The following LUZP2 variants were observed in gnomAD, a reference collection of about 807,000 sequenced individuals.
LUZP2 encodes the protein leucine zipper protein 2.
In LUZP2, 52 loss-of-function variants were observed where a neutral mutation model predicts 51.6. The ratio of observed to expected loss-of-function variants is 1.01; its 90% CI spans 0.81 to 1.27. The LOEUF (loss-of-function observed/expected upper bound fraction) is 1.27, where lower values mean the gene tolerates loss of function less well. Ranked by LOEUF, LUZP2 falls within the 50% of genes most tolerant of loss-of-function variation. LUZP2 has a pLI of 0.00. For missense variants in LUZP2, 436 were observed against 395.4 expected (o/e 1.10, Z -0.87); for synonymous variants, 154 against 137.3 (o/e 1.12, Z -0.85).
At chr11:24,972,810 C>T in intron 7 of LUZP2, among the ~76,000 whole-genome samples, 1 of 146,022 alleles carries the variant, frequency 6.8e-6, no homozygotes, top group East Asian at 2.0e-4. Context: ...TTTTGATGTG[C>T]TGCTGGATTC....
At chr11:24,837,511 A>G (rs1056034811) in intron 5 of LUZP2, among the ~76,000 whole-genome samples, 6 of 151,764 alleles carry the variant, frequency 4.0e-5, no homozygotes, top group Admixed American at 6.6e-5. Context: ...TATAGATGAA[A>G]TGTATCAGAA....
chr11:24,791,312 T>G (rs1053964318), intron 5 of LUZP2, among the ~76,000 whole-genome samples: 5 of 152,208 alleles, frequency 3.3e-5, no homozygotes, highest in African/African-American at 9.6e-5. Context: ...GTCAGATAAA[T>G]CTGAGCTATG....
At chr11:24,497,812 G>A (rs1196828470) in intron 1 of LUZP2, among the ~76,000 whole-genome samples, 1 of 152,188 alleles carries the variant, frequency 6.6e-6, no homozygotes, top group African/African-American at 2.4e-5. Context: ...CTCCTGAAAT[G>A]GCATGTTTCA....
At chr11:24,521,745 A>C (rs1850650078) in intron 1 of LUZP2, among the ~76,000 whole-genome samples, 1 of 152,148 alleles carries the variant, frequency 6.6e-6, no homozygotes, top group Non-Finnish European at 1.5e-5. Flanking sequence ...TTCAAAACAG[A>C]TGGTGCCTTT....
Position 24,961,709 on chromosome 11 carries a change from T to A in LUZP2, c.523-14882T>A, listed in dbSNP as rs150925812. 8.3e-3 allele frequency among the ~76,000 whole-genome samples: 1,262 copies of A among 151,994 alleles called. 8 individuals are homozygous for A. The highest frequency in any genetic ancestry group is 0.013 in the Admixed American group (202 of 15,256). ...GTCTTGACTCTTTATCCAATTTGCC[T>A]GTCTGTGTCTTTTAATTGAAGCATT... On this transcript the variant is annotated intron_variant, in intron 7 of 11. Coordinates refer to ENST00000336930, the MANE Select transcript of LUZP2 (RefSeq NM_001009909.4).
At chr11:25,020,296 A>C (rs909494402) in intron 9 of LUZP2, among the ~76,000 whole-genome samples, 1 of 152,108 alleles carries the variant, frequency 6.6e-6, no homozygotes, top group Non-Finnish European at 1.5e-5. Context: ...TTTTTTAATA[A>C]GAAATGTCTA....
intron 10 of LUZP2, among the ~76,000 whole-genome samples, chr11:25,060,405 T>C (rs1858802098): frequency 6.6e-6 from 1 of 152,072 alleles, no homozygotes; most frequent in Non-Finnish European, 1.5e-5. Flanking sequence ...GGCTCTACCC[T>C]CATGACATAA....
At chr11:24,617,023 C>T (rs192306039) in intron 1 of LUZP2, among the ~76,000 whole-genome samples, 14 of 152,212 alleles carry the variant, frequency 9.2e-5, no homozygotes, top group Middle Eastern at 3.4e-3. Context: ...TGTTGGTTGA[C>T]GGCATGAACT....
chr11:24,896,694 G>A (rs917641821), intron 5 of LUZP2, among the ~76,000 whole-genome samples: 4 of 152,222 alleles, frequency 2.6e-5, no homozygotes, highest in African/African-American at 7.2e-5. Flanking sequence ...TGCACCCTAC[G>A]GGACTGGTGG....
chr11:24,903,577 A>G (rs999060236), intron 5 of LUZP2, among the ~76,000 whole-genome samples: 6 of 152,092 alleles, frequency 3.9e-5, no homozygotes, highest in East Asian at 1.9e-4. Context: ...TGCTTATCCA[A>G]TTGGCCCTCC....
At chr11:24,761,339 T>C (rs1162802674) in intron 4 of LUZP2, among the ~76,000 whole-genome samples, 2 of 152,040 alleles carry the variant, frequency 1.3e-5, no homozygotes, top group African/African-American at 4.8e-5. Flanking sequence ...AATAACTCTA[T>C]TATAAAAACA....
chr11:24,520,929 T>C (rs574106758), intron 1 of LUZP2, among the ~76,000 whole-genome samples: 2 of 152,308 alleles, frequency 1.3e-5, no homozygotes, highest in Admixed American at 6.5e-5. Flanking sequence ...ATATGATGCC[T>C]CAGTCCGCAC....
chr11:25,033,468 T>C (rs1857759144), intron 9 of LUZP2, among the ~76,000 whole-genome samples: 1 of 152,142 alleles, frequency 6.6e-6, no homozygotes, highest in Non-Finnish European at 1.5e-5. Context: ...ATGTGTACGT[T>C]TGTTACATGG....
chr11:24,877,792 A>G (rs1010960150), intron 5 of LUZP2, among the ~76,000 whole-genome samples: 1 of 152,078 alleles, frequency 6.6e-6, no homozygotes, highest in African/African-American at 2.4e-5. Context: ...GCATCCTTCT[A>G]CTGTCAATCT....
intron 1 of LUZP2, among the ~76,000 whole-genome samples, chr11:24,727,214 G>T (rs2133962591): frequency 6.6e-6 from 1 of 152,104 alleles, no homozygotes; most frequent in South Asian, 2.1e-4. Flanking sequence ...AGAGAAGAAA[G>T]AAGCAATATA....
At chr11:24,999,733 G>A (rs935169286) in intron 9 of LUZP2, among the ~76,000 whole-genome samples, 2 of 152,116 alleles carry the variant, frequency 1.3e-5, no homozygotes, top group Non-Finnish European at 2.9e-5. Context: ...CAAATAAATT[G>A]TTTTAAACTC....
intron 9 of LUZP2, among the ~76,000 whole-genome samples, chr11:24,993,134 G>T (rs967454364): frequency 6.6e-6 from 1 of 152,038 alleles, no homozygotes; most frequent in Non-Finnish European, 1.5e-5. Context: ...ATGGTAAATT[G>T]TAAAGTTAGA....
At chr11:24,717,055 A>G (rs1045219443) in intron 1 of LUZP2, among the ~76,000 whole-genome samples, 1 of 152,116 alleles carries the variant, frequency 6.6e-6, no homozygotes, top group Non-Finnish European at 1.5e-5. Flanking sequence ...TGAATATATG[A>G]CATGCATATT....
chr11:24,675,850 G>A (rs111563973), intron 1 of LUZP2, among the ~76,000 whole-genome samples: 10 of 149,404 alleles, frequency 6.7e-5, no homozygotes, highest in Admixed American at 2.7e-4. Flanking sequence ...ACAGAGTCTC[G>A]CTCTGTTGCC....
Sources: allele counts gnomAD v4.1 joint callset (sites outside exome capture counted in the v4.1 genomes callset), GRCh38; gene constraint gnomAD v4.1.1; transcripts MANE v1.5; gene names NCBI Gene and HGNC (gene_info 2026-07-23, HGNC 2026-07-21).